DNAH17: variants seen among roughly 807,000 people sequenced by gnomAD.
DNAH17 encodes the protein dynein axonemal heavy chain 17, also known as axonemal beta dynein heavy chain 17.
A neutral mutation model predicts 485.6 loss-of-function variants in DNAH17; 376 were observed. That is an observed-to-expected ratio of 0.77 (90% confidence interval 0.71 to 0.84). The LOEUF (loss-of-function observed/expected upper bound fraction) is 0.84, where lower values mean the gene tolerates loss of function less well. DNAH17 is among the 40% of genes least tolerant of loss of function. DNAH17 has a pLI of 0.00. For synonymous variants in DNAH17, 3,031 were observed against 2,405.9 expected, an observed-to-expected ratio of 1.26 and a Z score of -7.60; for missense variants, 6,370 against 5,839.3, an observed-to-expected ratio of 1.09 and a Z score of -2.96.
At chr17:78,452,310 T>A (rs1011113274) in intron 65 of DNAH17, among the ~76,000 whole-genome samples, 2 of 152,128 alleles carry the variant, frequency 1.3e-5, no homozygotes, top group African/African-American at 4.8e-5. Context: ...AATTGTAAAA[T>A]GAATAATGCA....
At position 78,461,142 on chromosome 17, in the gene DNAH17, G is replaced by A. The variant is rs1187561173; in HGVS notation, c.9339+402C>T. On this transcript the variant is annotated intron_variant, in intron 58 of 80. Coordinates refer to ENST00000389840, the MANE Select transcript of DNAH17 (RefSeq NM_173628.4). Reference sequence around the variant, plus strand: ...TCTCGGGGGGGGCCCGGAGCCGCACGTCTGAGGACCAGGCTCCAGTGAGGT... The same window carrying A: ...TCTCGGGGGGGGCCCGGAGCCGCACATCTGAGGACCAGGCTCCAGTGAGGT... Among the ~76,000 whole-genome samples the A allele has an allele frequency of 3.3e-5, 5 of 151,950 alleles. No homozygotes were observed. The East Asian group carries it at 5.8e-4, about 18-fold the overall frequency.
intron 22 of DNAH17, among the ~76,000 whole-genome samples, chr17:78,527,782 T>C (rs1399247622): frequency 6.6e-6 from 1 of 152,188 alleles, no homozygotes; most frequent in African/African-American, 2.4e-5. Context: ...ATTTAATTAT[T>C]ATTTATTCAT....
chr17:78,516,521 T>C (rs2090784268), intron 25 of DNAH17, among the ~76,000 whole-genome samples: 1 of 151,922 alleles, frequency 6.6e-6, no homozygotes, highest in Non-Finnish European at 1.5e-5. Flanking sequence ...ACCCCATCTC[T>C]ACTAAAAAAA....
chr17:78,526,374 G>A (rs2091072295), intron 24 of DNAH17, among the ~76,000 whole-genome samples: 1 of 152,180 alleles, frequency 6.6e-6, no homozygotes, highest in Non-Finnish European at 1.5e-5. Context: ...GGGTGTTAAG[G>A]GGCCTGAGCC....
In DNAH17 at chr17:78,428,114, C is replaced by T. The variant is rs538726707; in HGVS notation, c.12588+411G>A. Reference sequence around the variant, plus strand: ...AGGACCTGCCATTGTGGCCACTGAGCGGCTCTGGAGTACCTGCCTGCACAT... The same window carrying T: ...AGGACCTGCCATTGTGGCCACTGAGTGGCTCTGGAGTACCTGCCTGCACAT... On this transcript the variant is annotated intron_variant, in intron 77 of 80. Transcript: ENST00000389840. Among the ~76,000 whole-genome samples the T allele has an allele frequency of 7.9e-5, 12 of 152,288 alleles. No homozygotes were observed. The South Asian group carries it at 1.2e-3, about 16-fold the overall frequency.
chr17:78,533,385 G>A (rs1295828848), intron 19 of DNAH17, among the ~76,000 whole-genome samples: 2 of 152,178 alleles, frequency 1.3e-5, no homozygotes, highest in Non-Finnish European at 2.9e-5. Context: ...GCTGATGGAT[G>A]GGTAGACAAG....
chr17:78,491,706 A>ATGAGG, intron 42 of DNAH17, 136 bp from the exon 43 acceptor site: 1 of 1,375,326 alleles, frequency 7.3e-7, no homozygotes. Flanking sequence ...GCCCTCGGGC[A>ATGAGG]TGAGGTGCCC....
intron 13 of DNAH17, among the ~76,000 whole-genome samples, chr17:78,560,484 C>A (rs545533573): frequency 4.2e-3 from 642 of 152,158 alleles, no homozygotes; most frequent in Middle Eastern, 0.01. Flanking sequence ...CTTTTTCCCC[C>A]CCCCCAGTTT....
intron 16 of DNAH17, among the ~76,000 whole-genome samples, chr17:78,550,158 A>G (rs1438324789): frequency 3.9e-5 from 6 of 152,242 alleles, no homozygotes; most frequent in African/African-American, 1.2e-4. Context: ...CATGCCCACT[A>G]GCTGGCGAGA....
intron 43 of DNAH17, among the ~76,000 whole-genome samples, 196 bp from the exon 44 acceptor site, chr17:78,491,043 C>A (rs528315180): frequency 1.3e-5 from 2 of 152,184 alleles, no homozygotes. Context: ...AGCCTCTAGA[C>A]GCCCACACCG....
At chr17:78,495,210 CAG>C (rs564597441) in intron 38 of DNAH17, 113 bp from the exon 39 acceptor site, 15,726 of 1,353,074 alleles carry the variant, frequency 0.012, 130 homozygotes, top group Middle Eastern at 0.018. Context: ...TAGACCACAG[CAG>C]AGTGTTGAAC....
At chr17:78,513,314 G>A (rs1705125321) in intron 26 of DNAH17, among the ~76,000 whole-genome samples, 2 of 152,262 alleles carry the variant, frequency 1.3e-5, no homozygotes, top group African/African-American at 4.8e-5. Context: ...AGCAGGCCCT[G>A]AAAGAAATCG....
intron 11 of DNAH17, among the ~76,000 whole-genome samples, chr17:78,563,282 C>A (rs1219687792): frequency 6.6e-6 from 1 of 152,204 alleles, no homozygotes; most frequent in Admixed American, 6.5e-5. Flanking sequence ...CAGCCGTGGA[C>A]TCTCAGGCAG....
At chr17:78,448,492 A>T (rs1052886514) in intron 69 of DNAH17, among the ~76,000 whole-genome samples, 32 of 152,200 alleles carry the variant, frequency 2.1e-4, no homozygotes, top group African/African-American at 7.7e-4. Flanking sequence ...GCACCACTGC[A>T]CTCTAGCCTG....
At chr17:78,480,012 A>AGTT (rs1568122167) in intron 49 of DNAH17, among the ~76,000 whole-genome samples, 7 of 63,494 alleles carry the variant, frequency 1.1e-4, no homozygotes, top group African/African-American at 2.3e-4. Flanking sequence ...AACAACAAGT[A>AGTT]CTTTTTTTTT....
rs143479194 is a variant in DNAH17, at chr17:78,466,434, A to G, written c.8940+221T>C. 7.9e-4 allele frequency among the ~76,000 whole-genome samples: 120 copies of G among 152,210 alleles called. No homozygotes were observed. In the East Asian group the frequency reaches 0.022, roughly 27 times the overall value. ...TGTGAGAAACACCCAAGAATTATCA[A>G]TAAAAAATAAATAAATTAAAAAAAA... On this transcript the variant is annotated intron_variant, in intron 56 of 80. Transcript: ENST00000389840.
intron 25 of DNAH17, chr17:78,522,836 T>C (rs77299331): frequency 0.049 from 8,594 of 175,562 alleles, 260 homozygotes; most frequent in Non-Finnish European, 0.055. Context: ...CATTAAATTC[T>C]TCCTTTCTTT....
Position 78,543,982 on chromosome 17 carries a change from G to T in DNAH17, c.2407C>A (p.Pro803Thr). The change falls in exon 17 of 81, where the codon CCG becomes ACG. Residue 803 changes from proline to threonine, a missense_variant. Pro to Thr is a conservative substitution (Grantham distance 38, BLOSUM62 -1). Coordinates refer to ENST00000389840, the MANE Select transcript of DNAH17 (RefSeq NM_173628.4). ...TTATTGTCCTTTCTTTCAAACAGCG[G>T]GTTGGCCGACCAGTCCTGGAAGGAA... ...SQAMKDWSAN[P>T]LFERKDNKKE... The T allele has an allele frequency of 1.2e-6, 2 of 1,613,986 alleles. No homozygotes were observed. Among genetic ancestry groups the T allele is most frequent in the South Asian group, 1.1e-5 (1 of 91,082 alleles).
In DNAH17 at chr17:78,556,934, C is replaced by T. The variant is rs556557799; in HGVS notation, c.2178+1174G>A. On this transcript the variant is annotated intron_variant, in intron 14 of 80. Transcript: ENST00000389840. The stretch of plus-strand genomic sequence containing the variant: ...CAGAGAAAACAGAACACGTATGATA[C>T]CATTGCCCTCCGGTTCCCGACTCGG... Among the ~76,000 whole-genome samples, 4 of 152,294 alleles carry T rather than the reference C, an allele frequency of 2.6e-5. No homozygotes were observed. In the East Asian group the frequency reaches 7.7e-4, roughly 29 times the overall value.
Sources: gnomAD v4.1 joint callset for allele counts (sites outside exome capture counted in the v4.1 genomes callset) on GRCh38, gnomAD v4.1.1 for gene constraint, MANE v1.5 for transcripts, NCBI Gene and HGNC (gene_info 2026-07-23, HGNC 2026-07-21) for gene names.